Variants in AGBL4 observed in about 807,000 individuals in gnomAD.
AGBL4 encodes cytosolic carboxypeptidase 6.
In AGBL4, 58 loss-of-function variants were observed where a neutral mutation model predicts 66.4. That is an observed-to-expected ratio of 0.87 (90% CI 0.71 to 1.09). AGBL4 has a LOEUF of 1.09. Among genes scored for constraint, AGBL4 ranks in the 50% least tolerant of loss-of-function variants. AGBL4 has a pLI of 0.00. For synonymous variants in AGBL4, 234 were observed against 222.9 expected (o/e 1.05, Z -0.44); for missense variants, 579 against 631.0 (o/e 0.92, Z 0.88).
chr1:49,874,281 G>C (rs1047626149), intron 1 of AGBL4, among the ~76,000 whole-genome samples: 15 of 151,970 alleles, frequency 9.9e-5, no homozygotes, highest in Non-Finnish European at 1.5e-4. Flanking sequence ...TCTTGGAGTA[G>C]GCAAATATTT....
chr1:49,209,832 T>C (rs955591993), intron 4 of AGBL4, among the ~76,000 whole-genome samples: 1 of 151,896 alleles, frequency 6.6e-6, no homozygotes, highest in Admixed American at 6.6e-5. Flanking sequence ...AGATGGAAAA[T>C]AGATGTGAAG....
At chr1:49,350,694 T>A (rs1645735300) in intron 3 of AGBL4, among the ~76,000 whole-genome samples, 1 of 152,194 alleles carries the variant, frequency 6.6e-6, no homozygotes, top group Non-Finnish European at 1.5e-5. Flanking sequence ...GAGATTTTGA[T>A]GCACCCATCA....
At chr1:49,104,245 T>C (rs1215612205) in intron 4 of AGBL4, among the ~76,000 whole-genome samples, 1 of 152,214 alleles carries the variant, frequency 6.6e-6, no homozygotes, top group African/African-American at 2.4e-5. Context: ...TGTGTCTCCA[T>C]ATCACCCTGT....
chr1:49,103,250 T>A (rs1252779316), intron 4 of AGBL4, among the ~76,000 whole-genome samples: 1 of 152,130 alleles, frequency 6.6e-6, no homozygotes, highest in Non-Finnish European at 1.5e-5. Context: ...GCAATATTTT[T>A]GCAAAGCTGA....
chr1:49,874,831 T>C (rs974107034), intron 1 of AGBL4, among the ~76,000 whole-genome samples: 4 of 152,174 alleles, frequency 2.6e-5, no homozygotes, highest in African/African-American at 9.6e-5. Context: ...TTTGTTTTAT[T>C]ACTATTATTA....
rs571925304 is a variant in AGBL4 at position 49,845,810 on chromosome 1, T to A, written c.157+5586A>T. The A allele has an allele frequency of 1.9e-6, 3 of 1,539,076 alleles. No homozygotes were observed. The African/African-American group carries it at 4.1e-5, about 21-fold the overall frequency. On this transcript the variant is annotated intron_variant, in intron 2 of 13. Coordinates refer to ENST00000371839, the MANE Select transcript of AGBL4 (RefSeq NM_032785.4). ...TCCTCACTTAGCCAGCAGGAGCGGA[T>A]GCACACAGGAGAGAAGCCGTTCGAC...
At chr1:49,369,304 A>G (rs1461551025) in intron 3 of AGBL4, among the ~76,000 whole-genome samples, 2 of 152,222 alleles carry the variant, frequency 1.3e-5, no homozygotes, top group East Asian at 3.8e-4. Context: ...ACTATTCATA[A>G]CAGCATAATC....
chr1:48,889,575 G>A (rs1650714974), intron 5 of AGBL4, among the ~76,000 whole-genome samples: 1 of 152,222 alleles, frequency 6.6e-6, no homozygotes, highest in Non-Finnish European at 1.5e-5. Context: ...CTTTCGGACT[G>A]TCTCATTACA....
chr1:48,836,436 G>A (rs554910195), intron 6 of AGBL4, among the ~76,000 whole-genome samples: 1 of 151,824 alleles, frequency 6.6e-6, no homozygotes, highest in East Asian at 1.9e-4. Context: ...AAATGCCTAA[G>A]ACTATCCTTC....
intron 4 of AGBL4, among the ~76,000 whole-genome samples, chr1:49,084,453 A>G (rs1644867686): frequency 6.6e-6 from 1 of 152,186 alleles, no homozygotes; most frequent in Non-Finnish European, 1.5e-5. Context: ...GAGCAAAGGT[A>G]CATCTTACAT....
chr1:49,255,113 C>A (rs1304959310), intron 3 of AGBL4, among the ~76,000 whole-genome samples: 1 of 152,146 alleles, frequency 6.6e-6, no homozygotes, highest in Admixed American at 6.6e-5. Context: ...TCAAAGATTT[C>A]ATGACAAAGA....
chr1:48,606,613 A>G (rs1270869203), intron 9 of AGBL4, among the ~76,000 whole-genome samples: 1 of 152,174 alleles, frequency 6.6e-6, no homozygotes, highest in Non-Finnish European at 1.5e-5. Context: ...GATGCACTAC[A>G]TGATCTCCAA....
intron 5 of AGBL4, among the ~76,000 whole-genome samples, chr1:48,952,129 C>T (rs749637600): frequency 6.6e-6 from 1 of 152,228 alleles, no homozygotes; most frequent in African/African-American, 2.4e-5. Context: ...AAAGCAATAA[C>T]AGTATTACTG....
At chr1:48,760,414 C>T (rs1371755134) in intron 6 of AGBL4, among the ~76,000 whole-genome samples, 1 of 152,198 alleles carries the variant, frequency 6.6e-6, no homozygotes, top group Non-Finnish European at 1.5e-5. Context: ...TCAAACCCAG[C>T]CCAATGAAAC....
At chr1:48,812,295 T>A (rs2148758675) in intron 6 of AGBL4, among the ~76,000 whole-genome samples, 1 of 152,200 alleles carries the variant, frequency 6.6e-6, no homozygotes, top group East Asian at 1.9e-4. Flanking sequence ...GGGGAGAGGA[T>A]GAGTATGATT....
chr1:49,696,518 T>C (rs985820538), intron 3 of AGBL4, among the ~76,000 whole-genome samples: 2 of 151,940 alleles, frequency 1.3e-5, no homozygotes, highest in Non-Finnish European at 2.9e-5. Flanking sequence ...AAATGGAAAA[T>C]AATAGTTTTT....
At chr1:48,536,460 G>A (rs1232504032) in intron 12 of AGBL4, among the ~76,000 whole-genome samples, 6 of 152,186 alleles carry the variant, frequency 3.9e-5, no homozygotes, top group African/African-American at 1.4e-4. Context: ...GGCATAATCT[G>A]ATACATAGTT....
At chr1:48,567,740 G>C (rs1280809117) in intron 11 of AGBL4, among the ~76,000 whole-genome samples, 1 of 152,198 alleles carries the variant, frequency 6.6e-6, no homozygotes, top group Non-Finnish European at 1.5e-5. Flanking sequence ...AGGAGCAGAT[G>C]GCACGTCTTT....
intron 2 of AGBL4, among the ~76,000 whole-genome samples, chr1:49,825,645 TG>T (rs973098240): frequency 1.3e-5 from 2 of 152,178 alleles, no homozygotes; most frequent in African/African-American, 4.8e-5. Context: ...CTCCATAATG[TG>T]GGTAGACCTC....
Sources: gnomAD v4.1 joint callset for allele counts (sites outside exome capture counted in the v4.1 genomes callset) on GRCh38, gnomAD v4.1.1 for gene constraint, MANE v1.5 for transcripts, NCBI Gene and HGNC (gene_info 2026-07-23, HGNC 2026-07-21) for gene names.